Variants in ADGRL3 observed in about 807,000 individuals in gnomAD.
The protein encoded by ADGRL3 is calcium-independent alpha-latrotoxin receptor 3.
In ADGRL3, 62 loss-of-function variants were observed where a neutral mutation model predicts 153.5. That is an observed-to-expected ratio of 0.40 (90% confidence interval 0.33 to 0.50). The LOEUF (loss-of-function observed/expected upper bound fraction) is 0.50. ADGRL3 is among the 20% of genes least tolerant of loss of function. The pLI, the probability that ADGRL3 is intolerant of heterozygous loss-of-function variation, is 0.47. For synonymous variants in ADGRL3, 710 were observed against 672.5 expected, an observed-to-expected ratio of 1.06 and a Z score of -0.86; for missense variants, 1,641 against 1,859.4, an observed-to-expected ratio of 0.88 and a Z score of 2.16.
At position 61,843,455 on chromosome 4, in the gene ADGRL3, A is replaced by G. The variant is rs150577452; in HGVS notation, c.1480+29566A>G. Among the ~76,000 whole-genome samples the G allele has an allele frequency of 6.7e-3, 1,014 of 152,206 alleles. 16 individuals carry two copies. The highest frequency in any genetic ancestry group is 0.024 in the African/African-American group (980 of 41,528). ...AACTTCCAGGAAGTGTTATTGAATG[A>G]AGGTCTCATTCTCTTTCCCTTTTCT... On this transcript the variant is annotated intron_variant, in intron 9 of 26. Transcript: ENST00000683033.
chr4:61,817,747 G>C (rs78690177), intron 9 of ADGRL3, among the ~76,000 whole-genome samples: 2 of 152,282 alleles, frequency 1.3e-5, no homozygotes. Context: ...AAGGTGAAAG[G>C]CATATCTTAT....
chr4:61,602,906 G>A (rs1356466883), intron 5 of ADGRL3, among the ~76,000 whole-genome samples: 1 of 152,000 alleles, frequency 6.6e-6, no homozygotes, highest in Non-Finnish European at 1.5e-5. Flanking sequence ...ACTTAAAAGG[G>A]GCTATATTTT....
chr4:61,770,131 A>G (rs1293553728), intron 8 of ADGRL3, among the ~76,000 whole-genome samples: 1 of 152,204 alleles, frequency 6.6e-6, no homozygotes, highest in African/African-American at 2.4e-5. Context: ...TTAGTAAAAA[A>G]TTACTGGTTT....
In ADGRL3 at chr4:61,930,582, G is replaced by A. The variant is rs185049715; in HGVS notation, c.2113-4258G>A. The stretch of plus-strand genomic sequence containing the variant: ...ATAACATCTTAACGAACATATCAGA[G>A]TTATATGCTATGAGTAATATTCGTC... On this transcript the variant is annotated intron_variant, in intron 13 of 26. Coordinates refer to ENST00000683033, the MANE Select transcript of ADGRL3 (RefSeq NM_001387552.1). Among the ~76,000 whole-genome samples the A allele has an allele frequency of 7.9e-3, 1,206 of 152,168 alleles. 7 individuals are homozygous for A. The highest frequency in any genetic ancestry group is 0.013 in the Non-Finnish European group (851 of 68,004).
chr4:61,843,260 G>A (rs1343919806), intron 9 of ADGRL3, among the ~76,000 whole-genome samples: 2 of 152,144 alleles, frequency 1.3e-5, no homozygotes, highest in Non-Finnish European at 2.9e-5. Flanking sequence ...AAAAACCAAT[G>A]TAGGAGAGGC....
At chr4:61,903,668 A>C (rs1410084020) in intron 11 of ADGRL3, among the ~76,000 whole-genome samples, 1 of 143,424 alleles carries the variant, frequency 7.0e-6, no homozygotes, top group Non-Finnish European at 1.6e-5. Flanking sequence ...AAAAAAAAAA[A>C]AAAAAAAAAA....
At chr4:61,613,891 C>G (rs1032303353) in intron 5 of ADGRL3, among the ~76,000 whole-genome samples, 2 of 152,100 alleles carry the variant, frequency 1.3e-5, no homozygotes, top group African/African-American at 2.4e-5. Flanking sequence ...CTTGATACTG[C>G]TGCGTGCAAG....
At chr4:61,366,328 C>T (rs1403805039) in intron 1 of ADGRL3, among the ~76,000 whole-genome samples, 2 of 152,162 alleles carry the variant, frequency 1.3e-5, no homozygotes, top group Non-Finnish European at 2.9e-5. Flanking sequence ...TGTCTATTGA[C>T]ACATTATAAA....
At chr4:61,230,833 C>G (rs934042136) in intron 1 of ADGRL3, among the ~76,000 whole-genome samples, 1 of 152,284 alleles carries the variant, frequency 6.6e-6, no homozygotes, top group Admixed American at 6.5e-5. Flanking sequence ...ATAATATAAG[C>G]TAATCAAACT....
chr4:61,513,065 C>A (rs548143928), intron 3 of ADGRL3, among the ~76,000 whole-genome samples: 1 of 151,986 alleles, frequency 6.6e-6, no homozygotes, highest in African/African-American at 2.4e-5. Flanking sequence ...GATAAATATG[C>A]CCAGGTTGTA....
intron 15 of ADGRL3, 61 bp from the exon 16 acceptor site, chr4:61,946,853 C>G: frequency 8.1e-7 from 1 of 1,239,270 alleles, no homozygotes; most frequent in South Asian, 1.2e-5. Flanking sequence ...TTTTCTATCT[C>G]ATTAGTACTA....
At chr4:61,754,342 G>C (rs1000766159) in intron 8 of ADGRL3, among the ~76,000 whole-genome samples, 1 of 151,988 alleles carries the variant, frequency 6.6e-6, no homozygotes, top group Non-Finnish European at 1.5e-5. Context: ...AGATCAGGCA[G>C]AGAAAACAAA....
At chr4:61,978,717 G>T (rs1009996259) in intron 17 of ADGRL3, among the ~76,000 whole-genome samples, 2 of 152,190 alleles carry the variant, frequency 1.3e-5, no homozygotes, top group Non-Finnish European at 2.9e-5. Flanking sequence ...CATGGCAGAC[G>T]TGGAGCTTCC....
intron 2 of ADGRL3, among the ~76,000 whole-genome samples, chr4:61,404,215 T>A (rs1383727185): frequency 6.6e-6 from 1 of 152,094 alleles, no homozygotes; most frequent in Non-Finnish European, 1.5e-5. Flanking sequence ...AAATAAATTG[T>A]CTGAATGAAT....
At position 61,808,274 on chromosome 4, in the gene ADGRL3, G is replaced by A. The variant is rs549733253; in HGVS notation, c.1400-5535G>A. 2.6e-5 allele frequency among the ~76,000 whole-genome samples: 4 copies of A among 152,218 alleles called. No homozygotes were observed. In the East Asian group the frequency reaches 7.7e-4, roughly 29 times the overall value. ...TGGTATCCTTAATACCGACCACAGAGTGGGAGCGGATGCTGAATAAATACA... is the reference window on the plus strand; with the variant it reads ...TGGTATCCTTAATACCGACCACAGAATGGGAGCGGATGCTGAATAAATACA... On this transcript the variant is annotated intron_variant, in intron 8 of 26. Coordinates refer to ENST00000683033, the MANE Select transcript of ADGRL3 (RefSeq NM_001387552.1).
chr4:61,513,608 A>G (rs1368773898), intron 3 of ADGRL3, among the ~76,000 whole-genome samples: 1 of 152,182 alleles, frequency 6.6e-6, no homozygotes, highest in African/African-American at 2.4e-5. Flanking sequence ...AAGTGCTTAC[A>G]TTGTAAAAAT....
rs111339907 is a variant in ADGRL3, at chr4:61,424,088, G to T, written c.-174+40899G>T. On this transcript the variant is annotated intron_variant, in intron 2 of 26. Transcript: ENST00000683033. ...GGTGGGTAATTGAAAGAACACTCAG[G>T]GGGTGAAGGGGCATAGGCAGGTGGG... Among the ~76,000 whole-genome samples the T allele has an allele frequency of 5.0e-4, 76 of 152,158 alleles. 1 individual carries two copies. Among genetic ancestry groups the T allele is most frequent in the African/African-American group, 1.8e-3 (75 of 41,508 alleles).
chr4:61,422,231 A>G (rs1032707501), intron 2 of ADGRL3, among the ~76,000 whole-genome samples: 9 of 152,312 alleles, frequency 5.9e-5, no homozygotes, highest in African/African-American at 1.9e-4. Context: ...TTAAAGCCTC[A>G]GAGTTAAAAT....
chr4:61,722,932 C>A (rs576716859), intron 6 of ADGRL3, among the ~76,000 whole-genome samples: 8 of 152,128 alleles, frequency 5.3e-5, no homozygotes, highest in Non-Finnish European at 1.2e-4. Flanking sequence ...GAAATTAGAT[C>A]TAGATTCATT....
Sources: allele counts gnomAD v4.1 joint callset (sites outside exome capture counted in the v4.1 genomes callset), GRCh38; gene constraint gnomAD v4.1.1; transcripts MANE v1.5; gene names NCBI Gene and HGNC (gene_info 2026-07-23, HGNC 2026-07-21).